Variants in VWA5B1 observed in about 807,000 individuals in gnomAD.
The protein encoded by VWA5B1 is von Willebrand factor A domain-containing protein 5B1.
A neutral mutation model predicts 118.2 loss-of-function variants in VWA5B1; 115 were observed. The observed-to-expected ratio is 0.97, with a 90% CI of 0.84 to 1.14. The LOEUF (loss-of-function observed/expected upper bound fraction) is 1.14. Among genes scored for constraint, VWA5B1 ranks in the 50% most tolerant of loss-of-function variants. The pLI, the probability that VWA5B1 is intolerant of heterozygous loss-of-function variation, is 0.00. For missense variants in VWA5B1, 1,596 were observed against 1,603.8 expected (o/e 1.00, Z 0.08); for synonymous variants, 682 against 658.4 (o/e 1.04, Z -0.55).
intron 1 of VWA5B1, among the ~76,000 whole-genome samples, chr1:20,309,564 T>A (rs1259764757): frequency 1.3e-5 from 2 of 152,112 alleles, no homozygotes; most frequent in Non-Finnish European, 2.9e-5. Context: ...GGGACCGTGG[T>A]GATGCTGGGC....
In VWA5B1 at chr1:20,325,070, TC is replaced by T. The variant is rs1408683150; in HGVS notation, c.1143+1541del. On this transcript the variant is annotated intron_variant, in intron 8 of 21. Coordinates refer to ENST00000289815, the MANE Select transcript of VWA5B1 (RefSeq NM_001039500.3). The stretch of plus-strand genomic sequence containing the variant: ...GCCTTAGGGAGCATTTAATCCATTT[TC>T]CCTCCACTTTCCAGGTAAAGAAACT... Among the ~76,000 whole-genome samples the T allele has an allele frequency of 4.6e-5, 7 of 152,200 alleles. No homozygotes were observed. In the East Asian group the frequency reaches 1.3e-3, roughly 29 times the overall value.
chr1:20,343,588 G>T (rs1306657786), intron 16 of VWA5B1, among the ~76,000 whole-genome samples, 195 bp downstream of exon 16: 3 of 97,592 alleles, frequency 3.1e-5, no homozygotes, highest in African/African-American at 7.8e-5. Flanking sequence ...CCTATGACCC[G>T]CCCACCTCTT....
intron 1 of VWA5B1, among the ~76,000 whole-genome samples, chr1:20,294,636 C>T (rs563200391): frequency 6.6e-6 from 1 of 152,222 alleles, no homozygotes; most frequent in Admixed American, 6.5e-5. Context: ...TGCGCCACCA[C>T]GCCAGGCTAA....
At chr1:20,329,325 G>A (rs1385324272) in intron 9 of VWA5B1, among the ~76,000 whole-genome samples, 1 of 79,812 alleles carries the variant, frequency 1.3e-5, no homozygotes, top group Non-Finnish European at 2.3e-5. Context: ...TTGAGATGGA[G>A]TCTCTCTTTC....
Position 20,327,977 on chromosome 1 carries a change from C to T in VWA5B1, c.1231C>T (p.Pro411Ser), listed in dbSNP as rs267598338. Residue 411 changes from proline (P) to serine (S), a missense_variant, in exon 9 of 22, where the codon CCT (proline) becomes TCT (serine). By Grantham distance (74) the Pro-to-Ser change is moderately conservative. Coordinates refer to ENST00000289815, the MANE Select transcript of VWA5B1 (RefSeq NM_001039500.3). ...GFGSTFKSLF[P>S]SSQTYSEDSL... The stretch of plus-strand genomic sequence containing the variant: ...TGGATCCACATTTAAGAGCCTTTTT[C>T]CTTCCAGCCAGACCTACAGTGAGGT... 1 of 1,551,500 alleles carries T rather than the reference C, an allele frequency of 6.4e-7. No homozygotes were observed. The highest frequency in any genetic ancestry group is 8.7e-7 in the Non-Finnish European group (1 of 1,146,958).
In VWA5B1 at chr1:20,353,869, T is replaced by C; in HGVS notation, c.3254T>C (p.Val1085Ala). 1 of 1,543,728 alleles carries C rather than the reference T, an allele frequency of 6.5e-7. No individual in the cohort carries two copies. Among genetic ancestry groups the C allele is most frequent in the Non-Finnish European group, 8.8e-7 (1 of 1,142,804 alleles). Residue 1085 changes from valine (V) to alanine (A), a missense_variant, in exon 22 of 22, where the codon GTG (valine) becomes GCG (alanine). By Grantham distance (64) the Val-to-Ala change is moderately conservative. Transcript: ENST00000289815. ...KWTSPFTCHR[V>A]SLTTRPSESK... ...ACGTCCCCCTTCACCTGCCATCGAGTGTCCCTCACCACCCGCCCGTCTGAG... is the reference window on the plus strand; with the variant it reads ...ACGTCCCCCTTCACCTGCCATCGAGCGTCCCTCACCACCCGCCCGTCTGAG...
chr1:20,291,359 T>TTCTTTCTTTCTCTCTC (rs1381113890), intron 1 of VWA5B1, among the ~76,000 whole-genome samples: 6 of 103,404 alleles, frequency 5.8e-5, no homozygotes, highest in South Asian at 6.8e-4. Flanking sequence ...CTTTCTTTCT[T>TTCTTTCTTTCTCTCTC]TCTCTCTCTC....
At chr1:20,341,831 G>A (rs2089882342) in intron 14 of VWA5B1, among the ~76,000 whole-genome samples, 1 of 152,194 alleles carries the variant, frequency 6.6e-6, no homozygotes, top group African/African-American at 2.4e-5. Context: ...GCTTTGTTGG[G>A]ATAGAGGTAG....
At chr1:20,331,116 C>A in intron 11 of VWA5B1, 133 bp downstream of exon 11, 1 of 716,080 alleles carries the variant, frequency 1.4e-6, no homozygotes, top group Non-Finnish European at 2.3e-6. Context: ...CACTGCATCC[C>A]AATGAGAACC....
rs1176420157 is a variant in VWA5B1 at position 20,357,388 on chromosome 1, G to C, written c.*3125G>C. The stretch of plus-strand genomic sequence containing the variant: ...ACTGTGCTATGGGCAAAGATGTTGA[G>C]GAAGCAGTAGAAAGACAAACTTCTT... On this transcript the variant is annotated 3_prime_UTR_variant, in exon 22 of 22. Transcript: ENST00000289815. 6.6e-6 allele frequency among the ~76,000 whole-genome samples: 1 copy of C among 152,234 alleles called. No individual in the cohort carries two copies. The highest frequency in any genetic ancestry group is 1.5e-5 in the Non-Finnish European group (1 of 68,050).
In VWA5B1 at chr1:20,327,909, T is replaced by A. The variant is rs2089436524; in HGVS notation, c.1163T>A (p.Leu388His). 6.4e-7 allele frequency: 1 copy of A among 1,551,488 alleles called. No homozygotes were observed. Among genetic ancestry groups the A allele is most frequent in the Non-Finnish European group, 8.7e-7 (1 of 1,146,996 alleles). ...TGCCAGGATGCCATGTTGGTGGCCC[T>A]TAAGAGCCTCATGCCAGCCTGCCTC... ...HRVKDAMLVA[L>H]KSLMPACLFN... The change falls in exon 9 of 22, where the codon CTT (leucine) becomes CAT (histidine). Residue 388 changes from leucine to histidine, a missense_variant. Leu to His is a moderately conservative substitution (Grantham distance 99). Transcript: ENST00000289815.
Position 20,345,603 on chromosome 1 carries a change from G to A in VWA5B1, c.2764+10G>A, listed in dbSNP as rs746440735. The A allele has an allele frequency of 3.2e-6, 5 of 1,538,590 alleles. No individual in the cohort carries two copies. In the South Asian group the frequency reaches 4.9e-5, roughly 15 times the overall value. ...GAGTACCCCAACTCTGGTAAGGCAG[G>A]CGAGCGGCCGGGGGCACTCCTGGGG... On this transcript the variant is annotated intron_variant, in intron 17 of 21. Coordinates refer to ENST00000289815, the MANE Select transcript of VWA5B1 (RefSeq NM_001039500.3).
intron 17 of VWA5B1, among the ~76,000 whole-genome samples, chr1:20,346,407 T>G (rs1214216712): frequency 6.6e-6 from 1 of 152,264 alleles, no homozygotes; most frequent in Non-Finnish European, 1.5e-5. Context: ...TCTGAAAATT[T>G]ATTGCAATTT....
chr1:20,358,526 G>A lies in VWA5B1; in HGVS notation c.*4263G>A, dbSNP rs1421459790. Among the ~76,000 whole-genome samples, 1 of 152,014 alleles carries A rather than the reference G, an allele frequency of 6.6e-6. No individual in the cohort carries two copies. Among genetic ancestry groups the A allele is most frequent in the Non-Finnish European group, 1.5e-5 (1 of 67,994 alleles). ...AATTGCCTGCCCCATTGACCTGCCT[G>A]GCTGGATCCTGTGTGACACCCCAGC... On this transcript the variant is annotated 3_prime_UTR_variant, in exon 22 of 22. Transcript: ENST00000289815.
rs2089928490 is a variant in VWA5B1, at chr1:20,343,339, G to A, written c.2572G>A (p.Ala858Thr). 7.1e-6 allele frequency: 11 copies of A among 1,541,970 alleles called. No homozygotes were observed. The East Asian group carries it at 2.7e-4, about 38-fold the overall frequency. ...GACCTTCCACCACCTGGCGGCCCGCGCCATCATCCGCGACTTCGAGCAGCT... is the reference window on the plus strand; with the variant it reads ...GACCTTCCACCACCTGGCGGCCCGCACCATCATCCGCGACTTCGAGCAGCT... ...SETFHHLAAR[A>T]IIRDFEQLAE... Residue 858 changes from alanine (A) to threonine (T), a missense_variant, in exon 16 of 22, where the codon GCC (alanine) becomes ACC (threonine). Physicochemically the swap from Ala to Thr is moderately conservative, Grantham distance 58. Coordinates refer to ENST00000289815, the MANE Select transcript of VWA5B1 (RefSeq NM_001039500.3).
intron 4 of VWA5B1, among the ~76,000 whole-genome samples, chr1:20,317,013 G>A (rs867621569): frequency 2.6e-5 from 4 of 151,862 alleles, no homozygotes; most frequent in South Asian, 2.1e-4. Context: ...AAAATGAGCC[G>A]TGCGTAGTGG....
chr1:20,339,010 T>G (rs184529735), intron 14 of VWA5B1: 1 of 152,328 alleles, frequency 6.6e-6, no homozygotes, highest in African/African-American at 2.4e-5. Flanking sequence ...AGGCCAGGGT[T>G]TCTCAGCCTC....
Position 20,342,475 on chromosome 1 carries a change from T to C in VWA5B1, c.2177T>C (p.Leu726Pro). 6.4e-7 allele frequency: 1 copy of C among 1,551,150 alleles called. No homozygotes were observed. Among genetic ancestry groups the C allele is most frequent in the Non-Finnish European group, 8.7e-7 (1 of 1,146,850 alleles). Residue 726 changes from leucine (L) to proline (P), a missense_variant, in exon 15 of 22, where the codon CTC becomes CCC. Physicochemically the swap from Leu to Pro is moderately conservative, Grantham distance 98. Coordinates refer to ENST00000289815, the MANE Select transcript of VWA5B1 (RefSeq NM_001039500.3). The part of the protein sequence containing the change: ...SGQDLNQGPK[L>P]RGPGARRPSL... ...CAGGACCTGAACCAGGGCCCCAAAC[T>C]CCGTGGCCCAGGGGCCCGAAGGCCC...
At chr1:20,335,206 T>C (rs1292806037) in intron 12 of VWA5B1, among the ~76,000 whole-genome samples, 1 of 152,100 alleles carries the variant, frequency 6.6e-6, no homozygotes, top group Non-Finnish European at 1.5e-5. Context: ...TCCCAACTAC[T>C]CTGGAAGCTG....
Sources: gnomAD v4.1 joint callset for allele counts (sites outside exome capture counted in the v4.1 genomes callset) on GRCh38, gnomAD v4.1.1 for gene constraint, MANE v1.5 for transcripts, NCBI Gene and HGNC (gene_info 2026-07-23, HGNC 2026-07-21) for gene names.